Variants in MYO10 observed in about 807,000 individuals in gnomAD.
The protein encoded by MYO10 is myosin X.
Under a neutral mutation model 257.3 loss-of-function variants are expected in MYO10, and 133 were observed. The observed-to-expected ratio is 0.52, with a 90% CI of 0.45 to 0.60. The LOEUF is 0.60. MYO10 is among the 20% of genes least tolerant of loss of function. MYO10 has a pLI of 0.00. For missense variants in MYO10, 2,399 were observed against 2,635.7 expected (o/e 0.91, Z 1.97); for synonymous variants, 1,104 against 1,028.6 (o/e 1.07, Z -1.40).
At position 16,674,846 on chromosome 5, in the gene MYO10, G is replaced by C; in HGVS notation, c.4964+7C>G. ...CCCAGCTCATCTCCCGTGCCCCCAT[G>C]CTTTACCTTTTCAGATGGAACTTGA... On this transcript the variant is annotated splice_region_variant and intron_variant, in intron 35 of 40. Coordinates refer to ENST00000513610, the MANE Select transcript of MYO10 (RefSeq NM_012334.3). The C allele has an allele frequency of 6.2e-7, 1 of 1,613,614 alleles. No individual in the cohort carries two copies. The highest frequency in any genetic ancestry group is 1.7e-5 in the Admixed American group (1 of 60,002).
intron 19 of MYO10, among the ~76,000 whole-genome samples, chr5:16,743,796 T>G (rs991440288): frequency 6.6e-6 from 1 of 152,212 alleles, no homozygotes; most frequent in Admixed American, 6.5e-5. Context: ...CAGTACTTAT[T>G]TGTCAAAAGT....
chr5:16,852,448 T>G (rs1743837001), intron 2 of MYO10, among the ~76,000 whole-genome samples: 1 of 152,138 alleles, frequency 6.6e-6, no homozygotes, highest in Non-Finnish European at 1.5e-5. Context: ...GAAGAGTTTT[T>G]TGGCCAGCAG....
Position 16,701,076 on chromosome 5 carries a change from C to T in MYO10, c.3319G>A (p.Val1107Met), listed in dbSNP as rs865992903. 11 of 1,576,006 alleles carry T rather than the reference C, an allele frequency of 7.0e-6. No homozygotes were observed. The highest frequency in any genetic ancestry group is 1.7e-4 in the Middle Eastern group (1 of 6,044). ...EDGAITSGSS[V>M]TFSNSYGSQW... ...CTGCCGTAGGAGTTGGAGAAGGTCACGCTGCTGCCGGAAGTGATGGCACCG... is the reference window on the plus strand; with the variant it reads ...CTGCCGTAGGAGTTGGAGAAGGTCATGCTGCTGCCGGAAGTGATGGCACCG... The change falls in exon 25 of 41, where the codon GTG becomes ATG. Residue 1107 changes from valine to methionine, a missense_variant. Val to Met is a conservative substitution (Grantham distance 21). This residue lies in a region of MYO10 where 1,820 missense variants were observed against 1,939.4 expected (regional missense o/e 0.94). Transcript: ENST00000513610. The surrounding 1 kb of genome is among the most constrained non-coding windows in gnomAD (Gnocchi z 8.1).
chr5:16,921,132 G>GATAAAATAAAATAAAATAAA (rs56053669), intron 1 of MYO10, among the ~76,000 whole-genome samples: 10 of 149,098 alleles, frequency 6.7e-5, no homozygotes, highest in African/African-American at 2.5e-4. Context: ...AATAACATAA[G>GATAAAATAAAATAAAATAAA]ATAAAATAAA....
chr5:16,724,602 T>A (rs1019824021), intron 19 of MYO10, among the ~76,000 whole-genome samples: 8 of 152,028 alleles, frequency 5.3e-5, no homozygotes, highest in Non-Finnish European at 1.0e-4. Flanking sequence ...ACGACTGGAA[T>A]GTGTTTCTAT....
chr5:16,882,064 TTAATA>T (rs1416916847), intron 1 of MYO10, among the ~76,000 whole-genome samples: 2 of 152,200 alleles, frequency 1.3e-5, no homozygotes, highest in Non-Finnish European at 2.9e-5. Context: ...TATGTGAGTG[TTAATA>T]TAATGGCTAA....
chr5:16,790,692 T>G (rs1187374125), intron 4 of MYO10, among the ~76,000 whole-genome samples: 1 of 152,164 alleles, frequency 6.6e-6, no homozygotes, highest in Non-Finnish European at 1.5e-5. Context: ...GTAACTCCAA[T>G]TAAACCTCTT....
intron 6 of MYO10, 94 bp from the exon 7 acceptor site, chr5:16,780,835 T>G: frequency 8.0e-7 from 1 of 1,249,182 alleles, no homozygotes; most frequent in Non-Finnish European, 1.1e-6. Context: ...GGTGCTCAAA[T>G]AATTACAGTT....
chr5:16,679,075 C>T (rs145404006), intron 33 of MYO10, among the ~76,000 whole-genome samples: 1 of 152,348 alleles, frequency 6.6e-6, no homozygotes, highest in East Asian at 1.9e-4. Context: ...TACTTATAAA[C>T]AGCAATTTGT....
chr5:16,742,190 G>C (rs1740041207), intron 19 of MYO10: 1 of 985,194 alleles, frequency 1.0e-6, no homozygotes, highest in South Asian at 4.7e-5. Flanking sequence ...TTGTGATCTT[G>C]GAAAATCCAC....
chr5:16,687,502 GC>G (rs1737305287), intron 28 of MYO10, among the ~76,000 whole-genome samples: 1 of 151,082 alleles, frequency 6.6e-6, no homozygotes, highest in Admixed American at 6.6e-5. Flanking sequence ...CCTGCTGGGG[GC>G]TTATAAGACA....
chr5:16,827,123 G>A (rs1743023701), intron 2 of MYO10, among the ~76,000 whole-genome samples: 2 of 152,078 alleles, frequency 1.3e-5, no homozygotes, highest in South Asian at 2.1e-4. Context: ...GCAAGAAAAC[G>A]TCAAGTCCCC....
chr5:16,723,535 T>C (rs1404855659), intron 19 of MYO10, among the ~76,000 whole-genome samples: 2 of 152,010 alleles, frequency 1.3e-5, no homozygotes, highest in Non-Finnish European at 2.9e-5. Flanking sequence ...GAATGCAAAA[T>C]GGTGCAGTCA....
rs547469603 is a variant in MYO10 at position 16,796,789 on chromosome 5, T to C, written c.280-1956A>G. 2.0e-5 allele frequency among the ~76,000 whole-genome samples: 3 copies of C among 152,306 alleles called. No homozygotes were observed. In the South Asian group the frequency reaches 6.2e-4, roughly 32 times the overall value. On this transcript the variant is annotated intron_variant, in intron 3 of 40. Coordinates refer to ENST00000513610, the MANE Select transcript of MYO10 (RefSeq NM_012334.3). ...TTCATGCCTTCTCCCCAAATTCACATGCTGAAGCCCTAATCCCAAGTACTT... is the reference window on the plus strand; with the variant it reads ...TTCATGCCTTCTCCCCAAATTCACACGCTGAAGCCCTAATCCCAAGTACTT...
intron 3 of MYO10, among the ~76,000 whole-genome samples, chr5:16,815,731 A>G (rs892868934): frequency 3.3e-5 from 5 of 152,172 alleles, no homozygotes; most frequent in African/African-American, 7.2e-5. Flanking sequence ...GTGGATACCT[A>G]TGCAGTGGTA....
intron 3 of MYO10, chr5:16,815,001 T>A (rs1220140240): frequency 1.3e-5 from 2 of 153,660 alleles, no homozygotes; most frequent in African/African-American, 4.8e-5. Context: ...TCTAATTTAC[T>A]TACTTTTTCT....
intron 19 of MYO10, chr5:16,742,247 C>T (rs1740043282): frequency 6.1e-6 from 6 of 985,378 alleles, no homozygotes; most frequent in Non-Finnish European, 7.2e-6. Context: ...GCTTCACTCG[C>T]TGCAATTTAT....
At chr5:16,803,058 T>C (rs1742168089) in intron 3 of MYO10, among the ~76,000 whole-genome samples, 5 of 151,940 alleles carry the variant, frequency 3.3e-5, no homozygotes, top group Admixed American at 3.3e-4. Flanking sequence ...TGAGCCGTGA[T>C]TGCATCACTG....
At chr5:16,917,907 T>C (rs1378303805) in intron 1 of MYO10, among the ~76,000 whole-genome samples, 1 of 152,100 alleles carries the variant, frequency 6.6e-6, no homozygotes, top group Non-Finnish European at 1.5e-5. Flanking sequence ...TATGTATCCA[T>C]CCCTTGATAA....
Sources: gnomAD v4.1 joint callset for allele counts (sites outside exome capture counted in the v4.1 genomes callset) on GRCh38, gnomAD v4.1.1 for gene constraint, gnomAD v4.1.1 regional missense constraint, Gnocchi (gnomAD v3.1) non-coding constraint, MANE v1.5 for transcripts, NCBI Gene and HGNC (gene_info 2026-07-23, HGNC 2026-07-21) for gene names.